CLDN10: variants seen among roughly 807,000 people sequenced by gnomAD.
CLDN10 encodes claudin-10.
In CLDN10, 15 loss-of-function variants were observed where a neutral mutation model predicts 22.9. The observed-to-expected ratio is 0.65, with a 90% CI of 0.44 to 1.01. CLDN10 has a LOEUF of 1.01. CLDN10 is among the 50% of genes least tolerant of loss of function. The pLI is 0.00. For synonymous variants in CLDN10, 114 were observed against 111.4 expected, an observed-to-expected ratio of 1.02 and a Z score of -0.15; for missense variants, 247 against 287.8, an observed-to-expected ratio of 0.86 and a Z score of 1.03.
At chr13:95,463,249 T>A (rs2042551116) in intron 1 of CLDN10, among the ~76,000 whole-genome samples, 1 of 137,828 alleles carries the variant, frequency 7.3e-6, no homozygotes, top group Non-Finnish European at 1.6e-5. Context: ...TATTTCTGTA[T>A]ATATACATAT....
intron 3 of CLDN10, among the ~76,000 whole-genome samples, chr13:95,566,025 T>C (rs911125262): frequency 1.3e-5 from 2 of 152,234 alleles, no homozygotes; most frequent in South Asian, 2.1e-4. Context: ...CAGTCCATCA[T>C]TGATGGACAT....
intron 1 of CLDN10, among the ~76,000 whole-genome samples, chr13:95,558,311 A>T (rs2043663264): frequency 6.6e-6 from 1 of 152,160 alleles, no homozygotes; most frequent in Non-Finnish European, 1.5e-5. Context: ...TCGAGGACTG[A>T]AGTTTAAAAT....
In CLDN10 at chr13:95,567,053, G is replaced by A. The variant is rs180999207; in HGVS notation, c.464+6590G>A. Reference sequence around the variant, plus strand: ...GTAGTATAGTTTGAAGTCAGGTAGCGTGATGCCTCCAGCTTTGTTCTTTTT... The same window carrying A: ...GTAGTATAGTTTGAAGTCAGGTAGCATGATGCCTCCAGCTTTGTTCTTTTT... On this transcript the variant is annotated intron_variant, in intron 3 of 4. Transcript: ENST00000299339. 4.1e-4 allele frequency among the ~76,000 whole-genome samples: 63 copies of A among 152,232 alleles called. 1 individual carries two copies. Among genetic ancestry groups the A allele is most frequent in the East Asian group, 3.7e-3 (19 of 5,180 alleles).
At chr13:95,556,427 G>T (rs998118583) in intron 1 of CLDN10, among the ~76,000 whole-genome samples, 1 of 152,116 alleles carries the variant, frequency 6.6e-6, no homozygotes, top group African/African-American at 2.4e-5. Flanking sequence ...AGAAAAATGA[G>T]GCCTAGCAAA....
chr13:95,513,412 CTA>C, intron 1 of CLDN10, among the ~76,000 whole-genome samples: 1 of 152,152 alleles, frequency 6.6e-6, no homozygotes, highest in East Asian at 1.9e-4. Context: ...AACATAATGA[CTA>C]AAAATCATCT....
intron 1 of CLDN10, among the ~76,000 whole-genome samples, chr13:95,464,760 C>T (rs1399848980): frequency 6.6e-6 from 1 of 151,942 alleles, no homozygotes; most frequent in African/African-American, 2.4e-5. Context: ...GAGACAGGGC[C>T]TCACTCTGTC....
intron 1 of CLDN10, among the ~76,000 whole-genome samples, chr13:95,480,634 T>C (rs140565929): frequency 3.3e-5 from 5 of 152,272 alleles, no homozygotes; most frequent in African/African-American, 1.2e-4. Flanking sequence ...GGGAAACTTG[T>C]TAGAATGCAG....
In CLDN10 at chr13:95,564,909, A is replaced by G. The variant is rs1025418139; in HGVS notation, c.464+4446A>G. ...TCTGGGAAGATTTTTCTTCCGAGCT[A>G]CAATCATTTGACAGAACTGCAATCT... is the stretch of plus-strand genomic sequence containing the variant. On this transcript the variant is annotated intron_variant, in intron 3 of 4. Transcript: ENST00000299339. 5.3e-5 allele frequency among the ~76,000 whole-genome samples: 8 copies of G among 152,142 alleles called. No individual in the cohort carries two copies. The East Asian group carries it at 1.5e-3, about 29-fold the overall frequency.
At chr13:95,503,280 G>GA (rs1192916417) in intron 1 of CLDN10, among the ~76,000 whole-genome samples, 1 of 151,902 alleles carries the variant, frequency 6.6e-6, no homozygotes, top group African/African-American at 2.4e-5. Context: ...AAAATGTAAA[G>GA]AAAAAAACAT....
chr13:95,562,179 G>A (rs1489281632), intron 3 of CLDN10, among the ~76,000 whole-genome samples: 4 of 151,878 alleles, frequency 2.6e-5, no homozygotes, highest in South Asian at 2.1e-4. Flanking sequence ...TGATCCACCC[G>A]CCTCAGCCTC....
chr13:95,484,725 G>C (rs1362218403), intron 1 of CLDN10, among the ~76,000 whole-genome samples: 1 of 151,360 alleles, frequency 6.6e-6, no homozygotes, highest in Non-Finnish European at 1.5e-5. Flanking sequence ...AATTAGCCAG[G>C]TGTGGTGGCA....
At chr13:95,495,525 A>G (rs549422071) in intron 1 of CLDN10, among the ~76,000 whole-genome samples, 86 of 151,544 alleles carry the variant, frequency 5.7e-4, no homozygotes, top group African/African-American at 2.0e-3. Flanking sequence ...TGGGTGGATC[A>G]TGAGGTCAGG....
chr13:95,545,019 C>A (rs539721710), intron 1 of CLDN10, among the ~76,000 whole-genome samples: 35 of 151,672 alleles, frequency 2.3e-4, no homozygotes, highest in African/African-American at 8.5e-4. Flanking sequence ...CTCAGGTGAT[C>A]CACCTGCCTC....
At chr13:95,505,683 C>T (rs1360375414) in intron 1 of CLDN10, among the ~76,000 whole-genome samples, 1 of 151,314 alleles carries the variant, frequency 6.6e-6, no homozygotes, top group Non-Finnish European at 1.5e-5. Context: ...AAAGTGAGGG[C>T]TAATGCTTGA....
chr13:95,438,975 C>CAA (rs397851895), intron 1 of CLDN10, among the ~76,000 whole-genome samples: 747 of 61,662 alleles, frequency 0.012, 15 homozygotes, highest in African/African-American at 0.036. Context: ...GACTCCATCG[C>CAA]AAAAAAAAAA....
chr13:95,567,394 G>C (rs1334931347), intron 3 of CLDN10, among the ~76,000 whole-genome samples: 1 of 152,170 alleles, frequency 6.6e-6, no homozygotes, highest in African/African-American at 2.4e-5. Context: ...TTGTGAATGG[G>C]AGTTCACTCA....
intron 1 of CLDN10, among the ~76,000 whole-genome samples, chr13:95,512,918 C>T (rs547897975): frequency 3.8e-4 from 58 of 152,180 alleles, no homozygotes; most frequent in African/African-American, 1.3e-3. Flanking sequence ...CTCTGTTGCC[C>T]GGGCTGGAGT....
chr13:95,533,752 C>G (rs2043371118), intron 1 of CLDN10: 1 of 152,302 alleles, frequency 6.6e-6, no homozygotes, highest in African/African-American at 2.4e-5. Context: ...AAAGGTCAGG[C>G]CTGCGGGCAA....
chr13:95,495,615 G>A (rs887903373), intron 1 of CLDN10, among the ~76,000 whole-genome samples: 1 of 151,150 alleles, frequency 6.6e-6, no homozygotes. Flanking sequence ...ATAGTGGCGC[G>A]CGCCTGTAAT....
Sources: gnomAD v4.1 joint callset for allele counts (sites outside exome capture counted in the v4.1 genomes callset) on GRCh38, gnomAD v4.1.1 for gene constraint, MANE v1.5 for transcripts, NCBI Gene and HGNC (gene_info 2026-07-23, HGNC 2026-07-21) for gene names.